Variants in KDM6A observed in about 807,000 individuals in gnomAD.
KDM6A encodes the protein lysine demethylase 6A.
In KDM6A, 11 loss-of-function variants were observed where a neutral mutation model predicts 117.6. The observed-to-expected ratio is 0.09, with a 90% CI of 0.06 to 0.15. KDM6A has a LOEUF of 0.15. KDM6A is among the 10% of genes least tolerant of loss of function. The pLI is 1.00. For missense variants in KDM6A, 799 were observed against 1,077.3 expected (o/e 0.74, Z 3.62); for synonymous variants, 384 against 396.1 (o/e 0.97, Z 0.36).
At chrX:44,900,382 A>C (rs1410725166) in intron 2 of KDM6A, among the ~76,000 whole-genome samples, 1 of 112,025 alleles carries the variant, frequency 8.9e-6, no homozygotes, top group African/African-American at 3.2e-5. Context: ...TTAGGCAGGG[A>C]ATAATTATTA....
At chrX:44,955,665 G>T (rs891346461) in intron 2 of KDM6A, among the ~76,000 whole-genome samples, 3 of 110,980 alleles carry the variant, frequency 2.7e-5, no homozygotes, top group Non-Finnish European at 5.7e-5. Flanking sequence ...AAAAATGTTT[G>T]CAATATTTAT....
intron 2 of KDM6A, among the ~76,000 whole-genome samples, chrX:44,877,200 A>G (rs1192600505): frequency 1.8e-5 from 2 of 111,926 alleles, no homozygotes; most frequent in African/African-American, 6.5e-5. Flanking sequence ...ATTCAGTTAT[A>G]TTAGAGTCAT....
intron 4 of KDM6A, among the ~76,000 whole-genome samples, chrX:44,984,179 T>TC (rs1269979260): frequency 2.7e-5 from 3 of 110,827 alleles, no homozygotes; most frequent in Non-Finnish European, 5.7e-5. Flanking sequence ...GAGCATTTTT[T>TC]CATGTGTCTT....
chrX:45,079,540 T>C (rs866119403), intron 21 of KDM6A, among the ~76,000 whole-genome samples, 189 bp downstream of exon 21: 108 of 105,652 alleles, frequency 1.0e-3, no homozygotes, highest in African/African-American at 1.6e-3. Context: ...TATGTATGTA[T>C]GTACGTACGT....
chrX:44,987,828 G>A (rs778659067), intron 4 of KDM6A, among the ~76,000 whole-genome samples: 34 of 111,170 alleles, frequency 3.1e-4, no homozygotes, highest in Non-Finnish European at 5.3e-4. Flanking sequence ...TTTCTCTCTG[G>A]CTGCCCTTAA....
intron 4 of KDM6A, among the ~76,000 whole-genome samples, chrX:45,008,329 G>A (rs894010274): frequency 9.0e-6 from 1 of 110,828 alleles, no homozygotes; most frequent in African/African-American, 3.3e-5. Context: ...AGCCGAGATC[G>A]CACCACTGCA....
chrX:44,928,832 A>G (rs1416339439), intron 2 of KDM6A, among the ~76,000 whole-genome samples: 1 of 112,007 alleles, frequency 8.9e-6, no homozygotes, highest in Non-Finnish European at 1.9e-5. Context: ...AGAAAAAGGA[A>G]GAGTGGATAA....
intron 2 of KDM6A, among the ~76,000 whole-genome samples, chrX:44,946,338 G>A (rs921213668): frequency 9.0e-6 from 1 of 111,724 alleles, no homozygotes; most frequent in African/African-American, 3.3e-5. Context: ...TGATCTGCCT[G>A]CCTCAGCCTC....
intron 3 of KDM6A, among the ~76,000 whole-genome samples, chrX:44,963,031 A>C (rs1437996446): frequency 8.9e-6 from 1 of 112,135 alleles, no homozygotes; most frequent in Admixed American, 9.4e-5. Context: ...CTCACAGTAG[A>C]GCTTCTTTCA....
intron 2 of KDM6A, among the ~76,000 whole-genome samples, chrX:44,940,348 C>T (rs1462802101): frequency 9.0e-6 from 1 of 111,579 alleles, no homozygotes; most frequent in Non-Finnish European, 1.9e-5. Flanking sequence ...GCCACCATGC[C>T]TGGCTGATGT....
At chrX:45,020,775 T>G (rs376323636) in intron 6 of KDM6A, 45 bp downstream of exon 6, 219 of 1,175,943 alleles carry the variant, frequency 1.9e-4, no homozygotes, top group Non-Finnish European at 2.3e-4. Context: ...AATTTTGTGG[T>G]TTTTTTGTTT....
At position 45,069,994 on chromosome X, in the gene KDM6A, T is replaced by A. The variant is rs2044744800; in HGVS notation, c.2495T>A (p.Leu832His). 8.3e-7 allele frequency: 1 copy of A among 1,211,675 alleles called. No homozygotes were observed. ...PGLLSSDNPQ[L>H]SALLMGKANN... ...TTACTAAGTTCAGACAATCCTCAGC[T>A]CTCTGCCTTGTTGATGGGAAAAGCC... Residue 832 changes from leucine (L) to histidine (H), a missense_variant, in exon 18 of 30, where the codon CTC becomes CAC. Physicochemically the swap from Leu to His is moderately conservative, Grantham distance 99. This residue lies in a region of KDM6A where 301 missense variants were observed against 318.3 expected (regional missense o/e 0.95). Transcript: ENST00000611820.
intron 2 of KDM6A, among the ~76,000 whole-genome samples, chrX:44,954,219 G>A (rs967067291): frequency 9.1e-6 from 1 of 110,172 alleles, no homozygotes; most frequent in East Asian, 2.8e-4. Flanking sequence ...TTTAAAAGCA[G>A]CCAGGCAAAG....
Position 45,083,472 on chromosome X carries a change from G to A in KDM6A, c.3453G>A (p.Gln1151=), listed in dbSNP as rs1187926104. 8.3e-6 allele frequency: 10 copies of A among 1,207,734 alleles called. No individual in the cohort carries two copies. The highest frequency in any genetic ancestry group is 9.0e-6 in the Non-Finnish European group (8 of 893,568). ...TATTTTATTGCAGGTGGAAGTTGCAGCTACATGAGCTGACTAAACTTCCTG... is the reference window on the plus strand; with the variant it reads ...TATTTTATTGCAGGTGGAAGTTGCAACTACATGAGCTGACTAAACTTCCTG... ...DLSDDKKWKL[Q]LHELTKLPAF... The change falls in exon 24 of 30, where the codon CAG becomes CAA. Residue 1151 remains glutamine (Q), a synonymous_variant. Transcript: ENST00000611820.
chrX:45,053,049 G>T (rs760468915), intron 9 of KDM6A, among the ~76,000 whole-genome samples: 7 of 111,519 alleles, frequency 6.3e-5, no homozygotes, highest in Non-Finnish European at 1.1e-4. Flanking sequence ...AGGTAGGATT[G>T]TGTGTATATT....
intron 9 of KDM6A, among the ~76,000 whole-genome samples, chrX:45,053,133 A>G (rs1184912165): frequency 8.9e-6 from 1 of 111,909 alleles, no homozygotes; most frequent in Non-Finnish European, 1.9e-5. Context: ...TTAATGGGAT[A>G]TCTTGGAGAT....
At chrX:45,000,469 G>A (rs746538270) in intron 4 of KDM6A, among the ~76,000 whole-genome samples, 98 of 111,687 alleles carry the variant, frequency 8.8e-4, no homozygotes, top group African/African-American at 3.1e-3. Flanking sequence ...AAGTGCCAGG[G>A]TGAAAGGGAT....
chrX:44,911,489 C>T lies in KDM6A; in HGVS notation c.225+37502C>T, dbSNP rs770906567. On this transcript the variant is annotated intron_variant, in intron 2 of 29. Transcript: ENST00000611820. The stretch of plus-strand genomic sequence containing the variant: ...CGATGGGCGGCCAGGCAGAGACGCT[C>T]CTCACTTCCTGGACGGGATGGCGGC... Among the ~76,000 whole-genome samples, 740 of 110,689 alleles carry T rather than the reference C, an allele frequency of 6.7e-3. 3 individuals are homozygous for T. Among genetic ancestry groups the T allele is most frequent in the Middle Eastern group, 0.024 (5 of 210 alleles).
chrX:45,001,360 C>T (rs993377321), intron 4 of KDM6A, among the ~76,000 whole-genome samples: 4 of 111,449 alleles, frequency 3.6e-5, no homozygotes, highest in African/African-American at 9.8e-5. Context: ...TTACAAAAAC[C>T]GGTTGGGGCA....
Sources: allele counts gnomAD v4.1 joint callset (sites outside exome capture counted in the v4.1 genomes callset), GRCh38; gene constraint gnomAD v4.1.1; regional missense constraint gnomAD v4.1.1; transcripts MANE v1.5; gene names NCBI Gene and HGNC (gene_info 2026-07-23, HGNC 2026-07-21).